The following NAV2 variants were observed in gnomAD, a reference collection of about 807,000 sequenced individuals.
NAV2 encodes the protein helicase, APC down-regulated 1.
In NAV2, 54 loss-of-function variants were observed where a neutral mutation model predicts 223.2. The observed-to-expected ratio is 0.24, with a 90% CI of 0.19 to 0.30. The LOEUF (loss-of-function observed/expected upper bound fraction) is 0.30, where lower values mean the gene tolerates loss of function less well. Ranked by LOEUF, NAV2 falls within the 10% of genes least tolerant of loss-of-function variation. The pLI is 1.00. For missense variants in NAV2, 2,806 were observed against 3,147.5 expected (o/e 0.89, Z 2.60); for synonymous variants, 1,279 against 1,239.3 (o/e 1.03, Z -0.67).
At chr11:19,671,088 GC>G (rs373843608) in intron 1 of NAV2, among the ~76,000 whole-genome samples, 277 of 152,314 alleles carry the variant, frequency 1.8e-3, no homozygotes, top group African/African-American at 6.4e-3. Flanking sequence ...GGGCTGACAG[GC>G]ATTTTGAAGC....
At chr11:19,387,542 C>T (rs1410017609) in intron 1 of NAV2, among the ~76,000 whole-genome samples, 10 of 152,048 alleles carry the variant, frequency 6.6e-5, no homozygotes, top group South Asian at 6.2e-4. Flanking sequence ...CCAAGTGGAA[C>T]GGAAAAGTAT....
intron 11 of NAV2, among the ~76,000 whole-genome samples, chr11:20,017,518 G>C (rs943194734): frequency 3.3e-5 from 5 of 152,130 alleles, no homozygotes; most frequent in African/African-American, 1.2e-4. Context: ...ACAGCACCCT[G>C]TTTATTTCTG....
intron 1 of NAV2, among the ~76,000 whole-genome samples, chr11:19,785,784 G>T (rs538635905): frequency 6.6e-5 from 10 of 152,216 alleles, no homozygotes; most frequent in African/African-American, 2.4e-4. Flanking sequence ...TGTCTCTCTT[G>T]TTAGGTACTA....
rs145817843 is a variant in NAV2, at chr11:19,472,313, G to T, written c.75+121286G>T. Reference sequence around the variant, plus strand: ...CTTCAACTTCTACCTGCTCTGTGATGTTGGACAATTATTTCACCACTCTGT... The same window carrying T: ...CTTCAACTTCTACCTGCTCTGTGATTTTGGACAATTATTTCACCACTCTGT... On this transcript the variant is annotated intron_variant, in intron 1 of 37. Coordinates refer to the NAV2 transcript ENST00000360655. Among the ~76,000 whole-genome samples, 570 of 152,246 alleles carry T rather than the reference G, an allele frequency of 3.7e-3. 3 individuals carry two copies. Among genetic ancestry groups the T allele is most frequent in the Non-Finnish European group, 6.7e-3 (458 of 68,022 alleles).
At chr11:19,746,552 T>C (rs1463533957) in intron 1 of NAV2, among the ~76,000 whole-genome samples, 2 of 152,176 alleles carry the variant, frequency 1.3e-5, no homozygotes, top group African/African-American at 4.8e-5. Context: ...TAGAAGGGCA[T>C]GGAAGGAGGA....
chr11:19,987,834 C>T (rs1245622152), intron 11 of NAV2, among the ~76,000 whole-genome samples: 1 of 152,142 alleles, frequency 6.6e-6, no homozygotes, highest in African/African-American at 2.4e-5. Flanking sequence ...AGACTAGAGC[C>T]AGGTGTCTGA....
chr11:19,796,488 T>G (rs951557875), intron 1 of NAV2, among the ~76,000 whole-genome samples: 4 of 152,256 alleles, frequency 2.6e-5, no homozygotes, highest in Non-Finnish European at 4.4e-5. Context: ...TGCAGTAATT[T>G]AGTTCTTCAT....
chr11:19,517,059 T>TA (rs898116183), intron 1 of NAV2, among the ~76,000 whole-genome samples: 6 of 149,022 alleles, frequency 4.0e-5, no homozygotes, highest in Non-Finnish European at 7.5e-5. Context: ...AAAAAAAAAA[T>TA]AATAATACGA....
intron 1 of NAV2, among the ~76,000 whole-genome samples, chr11:19,456,211 G>A (rs527647305): frequency 6.6e-6 from 1 of 152,306 alleles, no homozygotes; most frequent in African/African-American, 2.4e-5. Flanking sequence ...TGCATTTAAA[G>A]GATACCTGTG....
chr11:20,056,524 A>G (rs1269548800), intron 19 of NAV2: 1 of 1,598,812 alleles, frequency 6.3e-7, no homozygotes, highest in Non-Finnish European at 8.6e-7. Flanking sequence ...GGTTCATTTT[A>G]ATCAGAATCA....
intron 1 of NAV2, among the ~76,000 whole-genome samples, chr11:19,596,604 C>G (rs1195110777): frequency 6.6e-6 from 1 of 152,216 alleles, no homozygotes; most frequent in South Asian, 2.1e-4. Flanking sequence ...CCCCGGACAC[C>G]AGGGCAGTGG....
At chr11:19,477,680 T>C (rs140231923) in intron 1 of NAV2, among the ~76,000 whole-genome samples, 71 of 152,342 alleles carry the variant, frequency 4.7e-4, no homozygotes, top group African/African-American at 1.5e-3. Context: ...TTTACTGTTA[T>C]TGTGATGGCT....
intron 1 of NAV2, among the ~76,000 whole-genome samples, chr11:19,430,325 G>T (rs1452991353): frequency 6.6e-6 from 1 of 152,172 alleles, no homozygotes; most frequent in Non-Finnish European, 1.5e-5. Flanking sequence ...TGAGAGCCTC[G>T]GCATGTGGTC....
chr11:19,351,634 G>T (rs1291088118), intron 1 of NAV2, among the ~76,000 whole-genome samples: 1 of 152,094 alleles, frequency 6.6e-6, no homozygotes, highest in Non-Finnish European at 1.5e-5. Context: ...TTGTGGAGTA[G>T]CATAGGGTGG....
intron 1 of NAV2, chr11:19,591,257 G>T (rs2046051834): frequency 6.6e-6 from 1 of 152,196 alleles, no homozygotes; most frequent in South Asian, 2.1e-4. Flanking sequence ...TGGATCGCAT[G>T]ATCAACAGTG....
At chr11:20,100,272 T>C (rs534587211) in intron 31 of NAV2, among the ~76,000 whole-genome samples, 1 of 152,282 alleles carries the variant, frequency 6.6e-6, no homozygotes, top group African/African-American at 2.4e-5. Flanking sequence ...GAAGGATAAG[T>C]TTCCACTTGA....
intron 1 of NAV2, among the ~76,000 whole-genome samples, chr11:19,387,543 G>A (rs1171778919): frequency 4.6e-5 from 7 of 152,160 alleles, no homozygotes; most frequent in African/African-American, 7.2e-5. Flanking sequence ...CAAGTGGAAC[G>A]GAAAAGTATA....
intron 1 of NAV2, among the ~76,000 whole-genome samples, chr11:19,383,125 A>T (rs1014395422): frequency 1.3e-5 from 2 of 152,224 alleles, no homozygotes; most frequent in Admixed American, 6.5e-5. Context: ...CCTGTGACAG[A>T]CACTGCTATA....
intron 1 of NAV2, among the ~76,000 whole-genome samples, chr11:19,443,709 G>A (rs1038411176): frequency 6.6e-6 from 1 of 152,154 alleles, no homozygotes; most frequent in African/African-American, 2.4e-5. Flanking sequence ...AAGACATCTG[G>A]CTTGGAATTT....
Sources: gnomAD v4.1 joint callset for allele counts (sites outside exome capture counted in the v4.1 genomes callset) on GRCh38, gnomAD v4.1.1 for gene constraint, MANE v1.5 for transcripts, NCBI Gene and HGNC (gene_info 2026-07-23, HGNC 2026-07-21) for gene names.